The following WWOX variants were observed in gnomAD, a reference collection of about 807,000 sequenced individuals.
The protein encoded by WWOX is WW domain-containing oxidoreductase.
A neutral mutation model predicts 46.2 loss-of-function variants in WWOX; 69 were observed. That is an observed-to-expected ratio of 1.49 (90% confidence interval 1.23 to 1.82). WWOX has a LOEUF of 1.82. Ranked by LOEUF, WWOX falls within the 40% of genes most tolerant of loss-of-function variation. WWOX has a pLI of 0.00. For synonymous variants in WWOX, 359 were observed against 202.6 expected (o/e 1.77, Z -6.56); for missense variants, 919 against 542.6 (o/e 1.69, Z -6.89).
At chr16:78,941,883 G>A (rs930385763) in intron 8 of WWOX, among the ~76,000 whole-genome samples, 4 of 151,666 alleles carry the variant, frequency 2.6e-5, no homozygotes, top group Non-Finnish European at 5.9e-5. Flanking sequence ...ACTTATTTAG[G>A]CCTTAATTTA....
intron 8 of WWOX, among the ~76,000 whole-genome samples, chr16:79,105,574 A>T (rs2049291429): frequency 6.6e-6 from 1 of 152,188 alleles, no homozygotes; most frequent in Non-Finnish European, 1.5e-5. Flanking sequence ...TTGCTTTTAT[A>T]AAAAAAGTCA....
At chr16:78,965,754 T>C (rs1160706042) in intron 8 of WWOX, among the ~76,000 whole-genome samples, 1 of 152,190 alleles carries the variant, frequency 6.6e-6, no homozygotes, top group Non-Finnish European at 1.5e-5. Flanking sequence ...CAGCAACCTC[T>C]GCACACACAA....
intron 8 of WWOX, among the ~76,000 whole-genome samples, chr16:78,959,155 A>C (rs904290528): frequency 6.6e-6 from 1 of 152,234 alleles, no homozygotes; most frequent in South Asian, 2.1e-4. Context: ...CTTGTAGAGT[A>C]TGAAAGTAAA....
intron 8 of WWOX, among the ~76,000 whole-genome samples, chr16:78,972,220 C>T (rs1016732525): frequency 2.6e-5 from 4 of 152,054 alleles, no homozygotes; most frequent in African/African-American, 9.7e-5. Flanking sequence ...GAGGGGCGTT[C>T]AGACAAAGAG....
chr16:78,934,045 C>G (rs113561466), intron 8 of WWOX, among the ~76,000 whole-genome samples: 1 of 151,950 alleles, frequency 6.6e-6, no homozygotes, highest in Admixed American at 6.6e-5. Flanking sequence ...TTTAAAGAAA[C>G]TTAGCCGGGG....
At chr16:78,307,987 G>T (rs983290724) in intron 5 of WWOX, among the ~76,000 whole-genome samples, 4 of 152,290 alleles carry the variant, frequency 2.6e-5, no homozygotes, top group East Asian at 1.9e-4. Context: ...CTGGAATGTG[G>T]CAGCTGATGG....
chr16:78,175,300 T>C (rs1250256460), intron 5 of WWOX, among the ~76,000 whole-genome samples: 3 of 152,154 alleles, frequency 2.0e-5, no homozygotes, highest in Non-Finnish European at 4.4e-5. Flanking sequence ...CTGAAGACCC[T>C]GTAAAAGGAA....
intron 8 of WWOX, among the ~76,000 whole-genome samples, chr16:78,447,179 G>T (rs574009686): frequency 1.3e-5 from 2 of 152,162 alleles, no homozygotes; most frequent in Non-Finnish European, 1.5e-5. Flanking sequence ...CAAGTTAGCT[G>T]TGTAGCTTTG....
intron 8 of WWOX, among the ~76,000 whole-genome samples, chr16:78,946,432 C>G (rs1012928443): frequency 3.9e-5 from 6 of 152,150 alleles, no homozygotes; most frequent in African/African-American, 1.4e-4. Flanking sequence ...CTGAGTTGAT[C>G]TGCTCACGTC....
chr16:79,211,875 C>A lies in WWOX; in HGVS notation c.*79C>A. ...GCAAGTGCCAGGGCTGGGCCCCTTC[C>A]AAATGTCCCTCCAACACAGATCCGC... On this transcript the variant is annotated 3_prime_UTR_variant, in exon 9 of 9. Coordinates refer to ENST00000566780, the MANE Select transcript of WWOX (RefSeq NM_016373.4). The A allele has an allele frequency of 1.3e-6, 2 of 1,590,996 alleles. No homozygotes were observed. The highest frequency in any genetic ancestry group is 2.3e-5 in the East Asian group (1 of 43,926).
intron 8 of WWOX, among the ~76,000 whole-genome samples, chr16:79,181,100 T>A (rs940370707): frequency 6.6e-6 from 1 of 152,210 alleles, no homozygotes; most frequent in Non-Finnish European, 1.5e-5. Context: ...GCTCTACCTC[T>A]TCCCTTTGCT....
At chr16:78,773,305 A>C (rs2050110620) in intron 8 of WWOX, among the ~76,000 whole-genome samples, 3 of 152,080 alleles carry the variant, frequency 2.0e-5, no homozygotes, top group African/African-American at 7.2e-5. Context: ...TGGCTTCTGG[A>C]CTGTCAGTCA....
intron 8 of WWOX, among the ~76,000 whole-genome samples, chr16:79,201,677 T>C (rs1306629777): frequency 1.3e-5 from 2 of 152,322 alleles, no homozygotes; most frequent in South Asian, 2.1e-4. Flanking sequence ...CCTGAGGTAA[T>C]AGCCTCCTTC....
chr16:78,462,610 C>A (rs970017870), intron 8 of WWOX, among the ~76,000 whole-genome samples: 1 of 152,190 alleles, frequency 6.6e-6, no homozygotes, highest in African/African-American at 2.4e-5. Flanking sequence ...GATCAGAGGT[C>A]CGTCTCCAAG....
chr16:78,867,176 A>C (rs561191134), intron 8 of WWOX, among the ~76,000 whole-genome samples: 109 of 152,288 alleles, frequency 7.2e-4, no homozygotes, highest in Non-Finnish European at 1.2e-3. Context: ...TGAGACAGAC[A>C]AAACTGCAAC....
chr16:78,739,906 T>C (rs2049175560), intron 8 of WWOX, among the ~76,000 whole-genome samples: 1 of 152,160 alleles, frequency 6.6e-6, no homozygotes, highest in African/African-American at 2.4e-5. Context: ...GGTCAGAGAA[T>C]TGTGCATTTA....
chr16:78,621,430 C>T (rs188643446), intron 8 of WWOX, among the ~76,000 whole-genome samples: 2 of 151,754 alleles, frequency 1.3e-5, no homozygotes, highest in Non-Finnish European at 2.9e-5. Context: ...ATTTATTTTT[C>T]CCTCTTGGAG....
intron 6 of WWOX, among the ~76,000 whole-genome samples, chr16:78,399,031 G>A (rs1042215924): frequency 1.3e-5 from 2 of 148,472 alleles, no homozygotes; most frequent in African/African-American, 5.2e-5. Flanking sequence ...TAGATGGATA[G>A]AAAGATGGAA....
chr16:78,591,291 G>C lies in WWOX; in HGVS notation c.1056+158539G>C, dbSNP rs570272594. On this transcript the variant is annotated intron_variant, in intron 8 of 8. Coordinates refer to ENST00000566780, the MANE Select transcript of WWOX (RefSeq NM_016373.4). Reference sequence around the variant, plus strand: ...TCCCCAAAGCCCCTCAACACACTTAGGCTGACATCTCCTTGACCAGAACTG... The same window carrying C: ...TCCCCAAAGCCCCTCAACACACTTACGCTGACATCTCCTTGACCAGAACTG... Among the ~76,000 whole-genome samples, 7 of 152,266 alleles carry C rather than the reference G, an allele frequency of 4.6e-5. No homozygotes were observed. In the East Asian group the frequency reaches 1.4e-3, roughly 30 times the overall value.
Sources: allele counts gnomAD v4.1 joint callset (sites outside exome capture counted in the v4.1 genomes callset), GRCh38; gene constraint gnomAD v4.1.1; transcripts MANE v1.5; gene names NCBI Gene and HGNC (gene_info 2026-07-23, HGNC 2026-07-21).